Variants in TENM2 observed in about 807,000 individuals in gnomAD.
TENM2 encodes teneurin-2.
A neutral mutation model predicts 245.2 loss-of-function variants in TENM2; 52 were observed. The ratio of observed to expected loss-of-function variants is 0.21; its 90% CI spans 0.17 to 0.27. TENM2 has a LOEUF of 0.27. TENM2 is among the 10% of genes least tolerant of loss of function. The pLI, the probability that TENM2 is intolerant of heterozygous loss-of-function variation, is 1.00. For synonymous variants in TENM2, 1,363 were observed against 1,438.9 expected (o/e 0.95, Z 1.19); for missense variants, 3,046 against 3,666.8 (o/e 0.83, Z 4.37).
Position 167,871,931 on chromosome 5 carries a change from A to G in TENM2, c.503-4055A>G, listed in dbSNP as rs866951341. On this transcript the variant is annotated intron_variant, in intron 2 of 28. Transcript: ENST00000518659. The stretch of plus-strand genomic sequence containing the variant: ...TGTGTCTGTACAGATGGTCTCTGTC[A>G]GTTGGAATAGTCAGGGGGGAAAATG... Among the ~76,000 whole-genome samples the G allele has an allele frequency of 2.9e-4, 44 of 152,264 alleles. 1 individual carries two copies. Among genetic ancestry groups the G allele is most frequent in the South Asian group, 6.2e-4 (3 of 4,824 alleles).
chr5:168,064,367 T>C (rs1790312501), intron 7 of TENM2, among the ~76,000 whole-genome samples: 1 of 152,152 alleles, frequency 6.6e-6, no homozygotes, highest in Non-Finnish European at 1.5e-5. Context: ...CAAGGAGCTT[T>C]GCTAAGAAAA....
intron 2 of TENM2, among the ~76,000 whole-genome samples, chr5:167,652,540 A>G (rs1373513667): frequency 1.3e-5 from 2 of 152,080 alleles, no homozygotes; most frequent in Non-Finnish European, 2.9e-5. Flanking sequence ...CCCCTTGAAT[A>G]TCTGGTCAGT....
At chr5:167,811,412 T>G (rs565807160) in intron 2 of TENM2, among the ~76,000 whole-genome samples, 5 of 152,076 alleles carry the variant, frequency 3.3e-5, no homozygotes, top group African/African-American at 1.2e-4. Flanking sequence ...GACCCCACCA[T>G]GTGAGGTGCA....
At chr5:167,102,784 G>T in the TENM2 span, among the ~76,000 whole-genome samples, 1 of 152,124 alleles carries the variant, frequency 6.6e-6, no homozygotes, top group Non-Finnish European at 1.5e-5. Flanking sequence ...TCAGCCTCCC[G>T]AGTAGCTGGG....
chr5:168,151,136 G>C (rs1756615191), intron 12 of TENM2, among the ~76,000 whole-genome samples: 1 of 152,180 alleles, frequency 6.6e-6, no homozygotes, highest in South Asian at 2.1e-4. Flanking sequence ...GCCTGGTTGA[G>C]ATTTCTATGC....
chr5:167,685,596 G>A (rs6890602), intron 2 of TENM2, among the ~76,000 whole-genome samples: 27,335 of 152,042 alleles, frequency 0.18, 3,293 homozygotes, highest in East Asian at 0.38. Flanking sequence ...CTCCTGTCTT[G>A]CACTTAGGAG....
At chr5:167,389,447 A>T (rs1000911868) in intron 2 of TENM2, among the ~76,000 whole-genome samples, 2 of 151,550 alleles carry the variant, frequency 1.3e-5, no homozygotes, top group African/African-American at 2.4e-5. Context: ...ATATAGCATT[A>T]TTTTTTTTGG....
In TENM2 at chr5:167,407,988, A is replaced by G. The variant is rs117554781; in HGVS notation, c.502+32515A>G. 2.6e-5 allele frequency among the ~76,000 whole-genome samples: 4 copies of G among 152,282 alleles called. No individual in the cohort carries two copies. The East Asian group carries it at 7.7e-4, about 30-fold the overall frequency. Reference sequence around the variant, plus strand: ...GTATATACATTCTGATCACATCCGTACTTGGAAGTTCATACAATGAATTCA... The same window carrying G: ...GTATATACATTCTGATCACATCCGTGCTTGGAAGTTCATACAATGAATTCA... On this transcript the variant is annotated intron_variant, in intron 2 of 28. Coordinates refer to ENST00000518659, the Ensembl canonical transcript of TENM2.
At chr5:167,555,404 A>T (rs959892456) in intron 2 of TENM2, among the ~76,000 whole-genome samples, 1 of 152,164 alleles carries the variant, frequency 6.6e-6, no homozygotes, top group Non-Finnish European at 1.5e-5. Context: ...AAAAATTCAT[A>T]TTCAATATTA....
intron 2 of TENM2, among the ~76,000 whole-genome samples, chr5:167,685,946 T>G (rs1019897556): frequency 3.9e-5 from 6 of 152,176 alleles, no homozygotes; most frequent in African/African-American, 1.4e-4. Context: ...TGAGTTTAAA[T>G]CTAGCACTAC....
At chr5:167,537,379 T>C (rs570633905) in intron 2 of TENM2, among the ~76,000 whole-genome samples, 3 of 152,334 alleles carry the variant, frequency 2.0e-5, no homozygotes. Flanking sequence ...GCTGGTCACG[T>C]AGTGACAATA....
chr5:168,161,161 G>C (rs966054224), intron 12 of TENM2, among the ~76,000 whole-genome samples: 10 of 152,194 alleles, frequency 6.6e-5, no homozygotes, highest in Admixed American at 6.5e-4. Flanking sequence ...GGAGATGCAT[G>C]CTTTTGATCC....
intron 4 of TENM2, among the ~76,000 whole-genome samples, chr5:167,958,946 C>A (rs191879754): frequency 6.6e-6 from 1 of 152,052 alleles, no homozygotes; most frequent in Non-Finnish European, 1.5e-5. Flanking sequence ...GTGAATCTGA[C>A]GATTATGTGT....
At chr5:168,165,663 C>G (rs1406666558) in intron 13 of TENM2, among the ~76,000 whole-genome samples, 1 of 103,388 alleles carries the variant, frequency 9.7e-6, no homozygotes, top group African/African-American at 3.5e-5. Flanking sequence ...CCCCCCCCCC[C>G]CGGCTGGCAG....
At chr5:168,181,669 C>CTTTT (rs36042366) in intron 13 of TENM2, among the ~76,000 whole-genome samples, 139 of 78,884 alleles carry the variant, frequency 1.8e-3, no homozygotes, top group East Asian at 3.3e-3. Context: ...AGTTTTACTT[C>CTTTT]TTTTTTTTTT....
chr5:167,764,783 G>A (rs1417411646), intron 2 of TENM2, among the ~76,000 whole-genome samples: 9 of 152,102 alleles, frequency 5.9e-5, no homozygotes, highest in Non-Finnish European at 1.2e-4. Flanking sequence ...TGCCCACGGG[G>A]AGCTCTCCCC....
At chr5:167,211,430 G>C in the TENM2 span, among the ~76,000 whole-genome samples, 1 of 152,124 alleles carries the variant, frequency 6.6e-6, no homozygotes, top group Non-Finnish European at 1.5e-5. Context: ...TATCTATGTG[G>C]ACTCAGAAAA....
intron 2 of TENM2, among the ~76,000 whole-genome samples, chr5:167,584,105 G>A (rs1188456416): frequency 6.6e-6 from 1 of 152,200 alleles, no homozygotes; most frequent in Non-Finnish European, 1.5e-5. Context: ...GTTACTGGCG[G>A]AGGGTCCTGA....
chr5:168,026,884 TA>T (rs1424436301), intron 5 of TENM2, among the ~76,000 whole-genome samples: 2 of 152,068 alleles, frequency 1.3e-5, no homozygotes, highest in Non-Finnish European at 2.9e-5. Context: ...CCAGAATACA[TA>T]CCAGCATACA....
Sources: allele counts gnomAD v4.1 joint callset (sites outside exome capture counted in the v4.1 genomes callset), GRCh38; gene constraint gnomAD v4.1.1; transcripts MANE v1.5; gene names NCBI Gene and HGNC (gene_info 2026-07-23, HGNC 2026-07-21).